PTK2: variants seen among roughly 807,000 people sequenced by gnomAD.
PTK2 encodes the protein focal adhesion kinase 1.
In PTK2, 45 loss-of-function variants were observed where a neutral mutation model predicts 150.1. The observed-to-expected ratio is 0.30, with a 90% CI of 0.24 to 0.38. The LOEUF is 0.38. Ranked by LOEUF, PTK2 falls within the 10% of genes least tolerant of loss-of-function variation. PTK2 has a pLI of 1.00. For missense variants in PTK2, 919 were observed against 1,307.3 expected, an observed-to-expected ratio of 0.70 and a Z score of 4.58; for synonymous variants, 432 against 449.2, an observed-to-expected ratio of 0.96 and a Z score of 0.48.
At chr8:140,715,783 T>TA (rs11306811) in intron 23 of PTK2, among the ~76,000 whole-genome samples, 2 of 149,706 alleles carry the variant, frequency 1.3e-5, no homozygotes, top group African/African-American at 2.5e-5. Flanking sequence ...AAATATCTTT[T>TA]AAAAAAAAAA....
At chr8:140,731,592 T>C (rs944712835) in intron 22 of PTK2, among the ~76,000 whole-genome samples, 1 of 152,092 alleles carries the variant, frequency 6.6e-6, no homozygotes, top group Admixed American at 6.5e-5. Context: ...TCAACTAATA[T>C]AGTCAAAAAC....
intron 5 of PTK2, among the ~76,000 whole-genome samples, chr8:140,849,468 C>A (rs2100127787): frequency 6.6e-6 from 1 of 152,210 alleles, no homozygotes; most frequent in Non-Finnish European, 1.5e-5. Flanking sequence ...TAACTCCCAG[C>A]AGAATTGCTA....
intron 30 of PTK2, among the ~76,000 whole-genome samples, chr8:140,666,507 G>A (rs2091889289): frequency 6.6e-6 from 1 of 151,830 alleles, no homozygotes; most frequent in Non-Finnish European, 1.5e-5. Flanking sequence ...AGATGTTCAA[G>A]ACCTGTATGC....
At chr8:140,740,688 A>G (rs770674701) in intron 20 of PTK2, among the ~76,000 whole-genome samples, 1 of 152,236 alleles carries the variant, frequency 6.6e-6, no homozygotes, top group South Asian at 2.1e-4. Context: ...TTAGCTCTTT[A>G]TTGGAATTCT....
At chr8:140,959,346 C>T (rs2100182273) in intron 1 of PTK2, among the ~76,000 whole-genome samples, 1 of 146,440 alleles carries the variant, frequency 6.8e-6, no homozygotes, top group Non-Finnish European at 1.5e-5. Flanking sequence ...CTGGCTAACA[C>T]AGTGAAACCC....
intron 1 of PTK2, among the ~76,000 whole-genome samples, chr8:140,970,210 C>A (rs2100186754): frequency 6.6e-6 from 1 of 152,256 alleles, no homozygotes; most frequent in Admixed American, 6.5e-5. Flanking sequence ...ACCTTCAATT[C>A]TCCAACCCTT....
At chr8:140,920,970 G>A (rs980061954) in intron 2 of PTK2, 201 of 1,374,064 alleles carry the variant, frequency 1.5e-4, no homozygotes, top group Middle Eastern at 1.9e-4. Flanking sequence ...CCAGTTCCTC[G>A]CTGTGATAGT....
At chr8:140,867,433 A>C (rs1017962089) in intron 4 of PTK2, among the ~76,000 whole-genome samples, 4 of 152,204 alleles carry the variant, frequency 2.6e-5, no homozygotes, top group African/African-American at 9.6e-5. Context: ...AACATGCATG[A>C]ATATTTAAAG....
At chr8:140,716,252 T>C (rs977837438) in intron 23 of PTK2, among the ~76,000 whole-genome samples, 5 of 152,180 alleles carry the variant, frequency 3.3e-5, no homozygotes, top group African/African-American at 4.8e-5. Context: ...GATGAGATTC[T>C]CCCGACTCTC....
intron 16 of PTK2, among the ~76,000 whole-genome samples, chr8:140,755,826 C>A (rs750153676): frequency 1.2e-4 from 19 of 152,012 alleles, no homozygotes; most frequent in Non-Finnish European, 2.2e-4. Context: ...TTGGTCCTTG[C>A]CCATGAAATT....
At chr8:140,979,814 C>T (rs1245723609) in intron 1 of PTK2, among the ~76,000 whole-genome samples, 1 of 152,158 alleles carries the variant, frequency 6.6e-6, no homozygotes, top group Non-Finnish European at 1.5e-5. Context: ...TGCTGCCATC[C>T]ATGTACAATG....
intron 2 of PTK2, among the ~76,000 whole-genome samples, chr8:140,902,103 G>A (rs1351190529): frequency 1.3e-5 from 2 of 150,980 alleles, no homozygotes; most frequent in Non-Finnish European, 2.9e-5. Flanking sequence ...GCACAATCTT[G>A]GCTCACTGCA....
chr8:140,832,614 A>G (rs1260438659), intron 7 of PTK2, among the ~76,000 whole-genome samples: 1 of 152,174 alleles, frequency 6.6e-6, no homozygotes, highest in Admixed American at 6.5e-5. Flanking sequence ...AGAGGGAGGC[A>G]TGGCCTGACC....
chr8:140,860,090 T>G (rs2100135174), intron 5 of PTK2, among the ~76,000 whole-genome samples: 1 of 152,304 alleles, frequency 6.6e-6, no homozygotes, highest in Admixed American at 6.5e-5. Context: ...CATGGCCTGT[T>G]TTAAACAACA....
chr8:140,933,713 G>C (rs2100172703), intron 1 of PTK2, among the ~76,000 whole-genome samples: 1 of 152,190 alleles, frequency 6.6e-6, no homozygotes, highest in Admixed American at 6.5e-5. Flanking sequence ...TAAGAAAGTA[G>C]GTTAGTGGTT....
At chr8:140,995,643 AAAAC>A (rs1569548780) in intron 1 of PTK2, among the ~76,000 whole-genome samples, 2 of 151,520 alleles carry the variant, frequency 1.3e-5, no homozygotes, top group Admixed American at 1.3e-4. Flanking sequence ...CTCTACTAAA[AAAAC>A]AAACAAACAA....
intron 29 of PTK2, among the ~76,000 whole-genome samples, chr8:140,671,052 C>G (rs1210892160): frequency 6.6e-6 from 1 of 152,124 alleles, no homozygotes; most frequent in Admixed American, 6.6e-5. Flanking sequence ...CTTGGAAGCT[C>G]CTTGGCAGGC....
chr8:140,659,265 G>GA (rs1284683786), exon 32 of PTK2: 27 of 549,088 alleles, frequency 4.9e-5, no homozygotes, highest in South Asian at 4.4e-4. Flanking sequence ...TATCATGATT[G>GA]AAAAAAACAA....
chr8:140,906,762 C>G (rs2100161053), intron 2 of PTK2, among the ~76,000 whole-genome samples: 1 of 152,226 alleles, frequency 6.6e-6, no homozygotes, highest in East Asian at 1.9e-4. Flanking sequence ...AAGAAAATCA[C>G]AGTTAATAAT....
Sources: allele counts gnomAD v4.1 joint callset (sites outside exome capture counted in the v4.1 genomes callset), GRCh38; gene constraint gnomAD v4.1.1; transcripts MANE v1.5; gene names NCBI Gene and HGNC (gene_info 2026-07-23, HGNC 2026-07-21).